Variants in PCDH11X observed in about 807,000 individuals in gnomAD.
The protein encoded by PCDH11X is protocadherin 11 X-linked.
A neutral mutation model predicts 53.3 loss-of-function variants in PCDH11X; 18 were observed. That is an observed-to-expected ratio of 0.34 (90% CI 0.23 to 0.50). The LOEUF (loss-of-function observed/expected upper bound fraction) is 0.50. PCDH11X is among the 20% of genes least tolerant of loss of function. PCDH11X has a pLI of 0.98. For synonymous variants in PCDH11X, 279 were observed against 393.3 expected, an observed-to-expected ratio of 0.71 and a Z score of 3.44; for missense variants, 570 against 1,032.4, an observed-to-expected ratio of 0.55 and a Z score of 6.14.
chrX:92,294,114 C>G (rs2522796), intron 8 of PCDH11X, among the ~76,000 whole-genome samples: 23,687 of 108,194 alleles, frequency 0.22, 4,105 homozygotes, highest in East Asian at 0.74. Context: ...TAAAGATTCT[C>G]AAGTTTATTT....
At chrX:92,003,101 G>A (rs1214526589) in intron 6 of PCDH11X, among the ~76,000 whole-genome samples, 2 of 104,260 alleles carry the variant, frequency 1.9e-5, no homozygotes, top group Non-Finnish European at 3.9e-5. Flanking sequence ...TATCATGAAA[G>A]GATGTTGAAT....
At chrX:92,067,121 T>A (rs2063620978) in intron 6 of PCDH11X, among the ~76,000 whole-genome samples, 1 of 111,378 alleles carries the variant, frequency 9.0e-6, no homozygotes. Flanking sequence ...AACAGATAAT[T>A]AAAAGTAAAA....
chrX:92,012,979 G>A (rs2062719034), intron 6 of PCDH11X, among the ~76,000 whole-genome samples: 2 of 111,750 alleles, frequency 1.8e-5, no homozygotes, highest in South Asian at 7.5e-4. Context: ...ACAAGACAGG[G>A]ATGCCCTCTC....
At chrX:92,146,431 A>C (rs1246219569) in intron 6 of PCDH11X, among the ~76,000 whole-genome samples, 1 of 111,032 alleles carries the variant, frequency 9.0e-6, no homozygotes, top group Non-Finnish European at 1.9e-5. Flanking sequence ...GGCAATATGG[A>C]ATACTGGTTT....
chrX:91,978,809 T>A (rs1391028058), intron 6 of PCDH11X, among the ~76,000 whole-genome samples: 1 of 112,571 alleles, frequency 8.9e-6, no homozygotes, highest in East Asian at 2.8e-4. Context: ...ACATCGCAGT[T>A]TGGTTTGGTG....
chrX:92,410,590 A>C (rs2071623678), intron 9 of PCDH11X, among the ~76,000 whole-genome samples: 1 of 97,070 alleles, frequency 1.0e-5, no homozygotes, highest in Non-Finnish European at 2.0e-5. Context: ...GAAACAAAGG[A>C]AAATATAGGA....
At chrX:92,090,463 G>A (rs1283204992) in intron 6 of PCDH11X, among the ~76,000 whole-genome samples, 2 of 111,235 alleles carry the variant, frequency 1.8e-5, no homozygotes, top group Non-Finnish European at 3.8e-5. Flanking sequence ...GAAACTCTTA[G>A]GAAAATGCCA....
At chrX:92,398,073 C>A (rs1244284552) in intron 9 of PCDH11X, among the ~76,000 whole-genome samples, 1 of 111,560 alleles carries the variant, frequency 9.0e-6, no homozygotes, top group Non-Finnish European at 1.9e-5. Context: ...TCTGAAATAA[C>A]TAGCCATTAC....
chrX:91,847,052 C>G (rs1937711982), intron 5 of PCDH11X, among the ~76,000 whole-genome samples: 1 of 110,808 alleles, frequency 9.0e-6, no homozygotes, highest in African/African-American at 3.3e-5. Flanking sequence ...AATGATTTTT[C>G]ACAGAGGCAG....
At chrX:92,275,510 TG>T (rs2068066296) in intron 8 of PCDH11X, among the ~76,000 whole-genome samples, 1 of 111,156 alleles carries the variant, frequency 9.0e-6, no homozygotes, top group African/African-American at 3.3e-5. Flanking sequence ...AAAGAGAGGC[TG>T]GGATGAAGGG....
At position 92,442,266 on chromosome X, in the gene PCDH11X, G is replaced by A. The variant is rs1434616422; in HGVS notation, c.3344-26033G>A. On this transcript the variant is annotated intron_variant, in intron 9 of 10. Coordinates refer to ENST00000682573, the MANE Select transcript of PCDH11X (RefSeq NM_032968.5). Reference sequence around the variant, plus strand: ...AAAACTTTGAGGGACTGTTGGGAAGGCTTGATTGTTTTTTAAATATGAGGA... The same window carrying A: ...AAAACTTTGAGGGACTGTTGGGAAGACTTGATTGTTTTTTAAATATGAGGA... Among the ~76,000 whole-genome samples the A allele has an allele frequency of 2.7e-5, 3 of 110,026 alleles. No individual in the cohort carries two copies. In the Admixed American group the frequency reaches 2.9e-4, roughly 11 times the overall value.
Position 92,490,728 on chromosome X carries a change from G to GAGAGAA in PCDH11X, c.3367+22412_3367+22417dup, listed in dbSNP as rs200043763. On this transcript the variant is annotated intron_variant, in intron 10 of 10. Coordinates refer to ENST00000682573, the MANE Select transcript of PCDH11X (RefSeq NM_032968.5). Reference sequence around the variant, plus strand: ...AGAGAAAAAGAAAGAAAGAAAGAAAGAGAGAAAGAGAGAAAGAGAGAAAGA... The same window carrying GAGAGAA: ...AGAGAAAAAGAAAGAAAGAAAGAAAGAGAGAAAGAGAAAGAGAGAAAGAGAGAAAGA... 7.8e-3 allele frequency among the ~76,000 whole-genome samples: 705 copies of GAGAGAA among 90,417 alleles called. 7 individuals carry two copies. The highest frequency in any genetic ancestry group is 0.032 in the African/African-American group (688 of 21,522). 78.5% of individuals were successfully genotyped at this position (90,417 alleles called of 115,157 possible). A position where few individuals can be genotyped will look rare whatever the true frequency, so the allele number is the denominator to read the frequency against.
intron 1 of PCDH11X, among the ~76,000 whole-genome samples, chrX:91,795,676 G>A (rs1935709531): frequency 1.8e-5 from 2 of 110,750 alleles, no homozygotes; most frequent in Admixed American, 2.0e-4. Flanking sequence ...CCTACATGAG[G>A]TTTTATGCTA....
chrX:91,892,779 G>A (rs1940562229), intron 6 of PCDH11X, among the ~76,000 whole-genome samples: 1 of 108,014 alleles, frequency 9.3e-6, no homozygotes, highest in Admixed American at 1.0e-4. Flanking sequence ...TTGGCTCACG[G>A]CAACATCCGC....
intron 8 of PCDH11X, among the ~76,000 whole-genome samples, chrX:92,304,442 G>T (rs927173510): frequency 2.7e-5 from 3 of 111,742 alleles, no homozygotes; most frequent in African/African-American, 9.7e-5. Flanking sequence ...TTATGACATT[G>T]TACAAGAACC....
At chrX:92,439,652 C>T (rs185669153) in intron 9 of PCDH11X, among the ~76,000 whole-genome samples, 1 of 109,442 alleles carries the variant, frequency 9.1e-6, no homozygotes, top group African/African-American at 3.3e-5. Context: ...TTTTTATGAA[C>T]TTCTTGAGAG....
At chrX:92,347,095 T>G (rs1294864959) in intron 8 of PCDH11X, among the ~76,000 whole-genome samples, 1 of 112,005 alleles carries the variant, frequency 8.9e-6, no homozygotes, top group Admixed American at 9.5e-5. Context: ...TTTATAACCT[T>G]AAGTATGTAT....
intron 6 of PCDH11X, among the ~76,000 whole-genome samples, chrX:92,066,604 A>G (rs973889210): frequency 9.1e-6 from 1 of 110,490 alleles, no homozygotes; most frequent in African/African-American, 3.3e-5. Flanking sequence ...AGCCCTTGTA[A>G]ATGGGATTAC....
intron 7 of PCDH11X, among the ~76,000 whole-genome samples, chrX:92,218,296 C>T (rs1291860500): frequency 1.1e-5 from 1 of 88,873 alleles, no homozygotes; most frequent in Non-Finnish European, 2.2e-5. Flanking sequence ...TGATAGACCA[C>T]TAGCAAGACT....
Sources: allele counts gnomAD v4.1 joint callset (sites outside exome capture counted in the v4.1 genomes callset), GRCh38; gene constraint gnomAD v4.1.1; transcripts MANE v1.5; gene names NCBI Gene and HGNC (gene_info 2026-07-23, HGNC 2026-07-21).